DROSHA: variants seen among roughly 807,000 people sequenced by gnomAD.
The protein encoded by DROSHA is drosha ribonuclease III.
DROSHA carries 56 observed loss-of-function variants against 181.9 expected under a neutral mutation model. The ratio of observed to expected loss-of-function variants is 0.31; its 90% CI spans 0.25 to 0.38. DROSHA has a LOEUF of 0.38. DROSHA is among the 10% of genes least tolerant of loss of function. DROSHA has a pLI of 1.00. For missense variants in DROSHA, 1,218 were observed against 1,743.5 expected, an observed-to-expected ratio of 0.70 and a Z score of 5.37; for synonymous variants, 524 against 591.2, an observed-to-expected ratio of 0.89 and a Z score of 1.65.
At chr5:31,442,648 G>A (rs1204039091) in intron 23 of DROSHA, among the ~76,000 whole-genome samples, 2 of 152,066 alleles carry the variant, frequency 1.3e-5, no homozygotes, top group African/African-American at 2.4e-5. Flanking sequence ...TCACTCCAAG[G>A]AAAGCCATCT....
At chr5:31,490,289 C>T (rs577658623) in intron 13 of DROSHA, among the ~76,000 whole-genome samples, 1 of 151,708 alleles carries the variant, frequency 6.6e-6, no homozygotes, top group South Asian at 2.1e-4. Context: ...TGAAGTGATC[C>T]TCCCGCATTA....
chr5:31,406,832 C>T (rs1561109951), intron 34 of DROSHA, 21 bp downstream of exon 34: 1 of 1,607,548 alleles, frequency 6.2e-7, no homozygotes. Flanking sequence ...CAAAGCAATT[C>T]CAGGTATTCT....
In DROSHA at chr5:31,529,047, T is replaced by G. The variant is rs753200638; in HGVS notation, c.13A>C (p.Asn5His). Residue 5 changes from asparagine to histidine, a missense_variant, in exon 4 of 36, where the codon AAC becomes CAC. Physicochemically the swap from Asn to His is moderately conservative, Grantham distance 68 (BLOSUM62 1). Around this residue, in one of 8 missense-constraint regions of DROSHA, gnomAD observed 536 missense variants for 535.4 expected, o/e 1.00. Coordinates refer to ENST00000344624, the MANE Select transcript of DROSHA (RefSeq NM_001382508.1). ...TCCCATCACGGCACTCACCATGTGT[T>G]TCCCTGCATCATGATGTTCCGCCTG... MMQGNTCHRMSFHPG... is the reference protein window; with the variant it reads MMQGHTCHRMSFHPG... The G allele has an allele frequency of 1.2e-6, 2 of 1,613,236 alleles. No individual in the cohort carries two copies. The highest frequency in any genetic ancestry group is 1.7e-6 in the Non-Finnish European group (2 of 1,179,722).
chr5:31,416,785 G>A (rs1453802764), intron 30 of DROSHA, among the ~76,000 whole-genome samples: 8 of 152,148 alleles, frequency 5.3e-5, no homozygotes, highest in African/African-American at 1.9e-4. Flanking sequence ...CTGGGCAGGC[G>A]GGCAAGGCCA....
At chr5:31,468,129 T>C (rs1375632968) in intron 17 of DROSHA, 66 bp from the exon 18 acceptor site, 1 of 1,522,804 alleles carries the variant, frequency 6.6e-7, no homozygotes, top group Admixed American at 2.0e-5. Context: ...TTAACCTAAG[T>C]AGGGAAGGAA....
intron 19 of DROSHA, among the ~76,000 whole-genome samples, chr5:31,465,840 T>C (rs1338445056): frequency 6.6e-6 from 1 of 152,132 alleles, no homozygotes; most frequent in Admixed American, 6.6e-5. Flanking sequence ...AAAAGCATCC[T>C]GAGGCCTCCC....
At chr5:31,437,355 C>T in intron 23 of DROSHA, 57 bp from the exon 24 acceptor site, 2 of 1,184,410 alleles carry the variant, frequency 1.7e-6, no homozygotes, top group Non-Finnish European at 2.2e-6. Context: ...CCCCCCCACC[C>T]ACCCACCCCC....
At position 31,526,006 on chromosome 5, in the gene DROSHA, G is replaced by A. The variant is rs1740495295; in HGVS notation, c.854+73C>T. On this transcript the variant is annotated intron_variant, in intron 5 of 35. Coordinates refer to ENST00000344624, the MANE Select transcript of DROSHA (RefSeq NM_001382508.1). ...ATGCCCTACTGGATCCTTTTGGTTT[G>A]GTTGTCATAAATGGAGAATGACCGT... 16 of 1,413,038 alleles carry A rather than the reference G, an allele frequency of 1.1e-5. No individual in the cohort carries two copies. In the South Asian group the frequency reaches 2.4e-4, roughly 21 times the overall value. The allele number at this position is 1,413,038 out of a possible 1,614,324, so 87.5% of individuals were successfully genotyped here.
At chr5:31,521,078 A>C in intron 6 of DROSHA, 45 bp downstream of exon 6, 6 of 1,591,156 alleles carry the variant, frequency 3.8e-6, no homozygotes, top group South Asian at 1.1e-5. Flanking sequence ...TCTGAATTCA[A>C]GGAGATAATC....
intron 20 of DROSHA, among the ~76,000 whole-genome samples, chr5:31,457,123 C>CTT (rs5867080): frequency 0.045 from 4,457 of 99,094 alleles, 417 homozygotes; most frequent in African/African-American, 0.14. Context: ...GAAATTAAGC[C>CTT]TTTTTTTTTT....
chr5:31,445,115 G>A (rs748643487), intron 23 of DROSHA, among the ~76,000 whole-genome samples: 3 of 152,256 alleles, frequency 2.0e-5, no homozygotes, highest in East Asian at 3.9e-4. Flanking sequence ...AGAATGATAA[G>A]CATAGCTATT....
At chr5:31,407,985 A>G (rs1740857978) in intron 33 of DROSHA, among the ~76,000 whole-genome samples, 1 of 152,156 alleles carries the variant, frequency 6.6e-6, no homozygotes, top group Admixed American at 6.5e-5. Flanking sequence ...TTCCCCCAAT[A>G]AATAAAGGAA....
rs116035295 is a variant in DROSHA at position 31,429,643 on chromosome 5, A to C, written c.3146-98T>G. 741 of 903,334 alleles carry C rather than the reference A, an allele frequency of 8.2e-4. 6 individuals are homozygous for C. Among genetic ancestry groups the C allele is most frequent in the African/African-American group, 7.4e-3 (435 of 58,832 alleles). The allele number at this position is 903,334 out of a possible 1,614,324, so 56.0% of individuals were successfully genotyped here. On this transcript the variant is annotated intron_variant, in intron 26 of 35. Transcript: ENST00000344624. ...AAAGCAAAAACGCAAGCCAAAAACT[A>C]CTCACAGAAAACAAATCAACATGTT...
intron 20 of DROSHA, among the ~76,000 whole-genome samples, chr5:31,458,916 A>G (rs1010995216): frequency 7.9e-5 from 12 of 152,326 alleles, no homozygotes; most frequent in African/African-American, 2.9e-4. Flanking sequence ...CTCAGACTAC[A>G]CTGTAGGAAC....
intron 13 of DROSHA, among the ~76,000 whole-genome samples, chr5:31,490,719 A>G (rs905432457): frequency 1.3e-5 from 2 of 152,208 alleles, no homozygotes; most frequent in African/African-American, 4.8e-5. Context: ...AAGAAAAGGA[A>G]TCAGATTGGT....
chr5:31,415,163 C>A (rs1741790598), intron 30 of DROSHA, among the ~76,000 whole-genome samples: 1 of 152,152 alleles, frequency 6.6e-6, no homozygotes, highest in African/African-American at 2.4e-5. Context: ...CCCAATTTCA[C>A]TCTTGAATCT....
intron 17 of DROSHA, among the ~76,000 whole-genome samples, chr5:31,471,301 G>A (rs1749691949): frequency 6.6e-6 from 1 of 151,990 alleles, no homozygotes; most frequent in Non-Finnish European, 1.5e-5. Flanking sequence ...TATTTTCACG[G>A]AAATATTTTA....
intron 29 of DROSHA, 151 bp downstream of exon 29, chr5:31,422,636 A>C (rs1468324356): frequency 1.1e-6 from 1 of 874,918 alleles, no homozygotes; most frequent in Non-Finnish European, 1.7e-6. Flanking sequence ...CCCCAGGTCC[A>C]CACTGAGGTC....
chr5:31,418,404 G>T (rs1742240779), intron 30 of DROSHA, among the ~76,000 whole-genome samples: 1 of 152,036 alleles, frequency 6.6e-6, no homozygotes, highest in Non-Finnish European at 1.5e-5. Context: ...AAGTAACTGG[G>T]GCTACAAATG....
Sources: allele counts gnomAD v4.1 joint callset (sites outside exome capture counted in the v4.1 genomes callset), GRCh38; gene constraint gnomAD v4.1.1; regional missense constraint gnomAD v4.1.1; transcripts MANE v1.5; gene names NCBI Gene and HGNC (gene_info 2026-07-23, HGNC 2026-07-21).